CARMIL1: variants seen among roughly 807,000 people sequenced by gnomAD.
The protein encoded by CARMIL1 is capping protein regulator and myosin 1 linker 1.
In CARMIL1, 90 loss-of-function variants were observed where a neutral mutation model predicts 177.1. The observed-to-expected ratio is 0.51, with a 90% CI of 0.43 to 0.61. The LOEUF (loss-of-function observed/expected upper bound fraction) is 0.61, where lower values mean the gene tolerates loss of function less well. CARMIL1 is among the 20% of genes least tolerant of loss of function. CARMIL1 has a pLI of 0.00. For missense variants in CARMIL1, 1,380 were observed against 1,667.0 expected (o/e 0.83, Z 3.00); for synonymous variants, 577 against 606.2 (o/e 0.95, Z 0.71).
At chr6:25,525,873 C>T (rs1450639823) in intron 23 of CARMIL1, among the ~76,000 whole-genome samples, 1 of 151,856 alleles carries the variant, frequency 6.6e-6, no homozygotes, top group African/African-American at 2.4e-5. Context: ...TTAATTAAAA[C>T]CAGAGACAGT....
chr6:25,561,266 A>G (rs1811086575), intron 29 of CARMIL1, among the ~76,000 whole-genome samples: 1 of 152,210 alleles, frequency 6.6e-6, no homozygotes, highest in Admixed American at 6.5e-5. Flanking sequence ...GTCACCATAT[A>G]TAGTATACCA....
Position 25,404,215 on chromosome 6 carries a change from G to A in CARMIL1, c.139-15899G>A, listed in dbSNP as rs1207501639. 2.0e-5 allele frequency among the ~76,000 whole-genome samples: 3 copies of A among 152,328 alleles called. No individual in the cohort carries two copies. In the East Asian group the frequency reaches 5.8e-4, roughly 29 times the overall value. On this transcript the variant is annotated intron_variant, in intron 2 of 36. Coordinates refer to ENST00000329474, the MANE Select transcript of CARMIL1 (RefSeq NM_017640.6). The stretch of plus-strand genomic sequence containing the variant: ...GCCACATAGAAGGGAGTTTGAACCA[G>A]GGCTTCAGGGAGTTGTCTGTGGACA...
intron 8 of CARMIL1, among the ~76,000 whole-genome samples, chr6:25,455,968 C>T (rs1799486361): frequency 6.6e-6 from 1 of 152,174 alleles, no homozygotes; most frequent in Non-Finnish European, 1.5e-5. Flanking sequence ...AGGGCAGTGC[C>T]TTGGTCATTG....
chr6:25,489,000 A>G (rs1302502080), intron 13 of CARMIL1, among the ~76,000 whole-genome samples: 1 of 152,120 alleles, frequency 6.6e-6, no homozygotes, highest in Non-Finnish European at 1.5e-5. Flanking sequence ...CCCCATCTCT[A>G]CTAAAAATAC....
chr6:25,414,942 T>C (rs1795236706), intron 2 of CARMIL1, among the ~76,000 whole-genome samples: 1 of 152,188 alleles, frequency 6.6e-6, no homozygotes, highest in Non-Finnish European at 1.5e-5. Flanking sequence ...TGTATCCAAC[T>C]TCTGAAGGAC....
At chr6:25,512,710 A>T (rs1404619675) in intron 20 of CARMIL1, among the ~76,000 whole-genome samples, 1 of 152,204 alleles carries the variant, frequency 6.6e-6, no homozygotes, top group African/African-American at 2.4e-5. Flanking sequence ...AAAAACCTAC[A>T]TGCTGGTGGG....
chr6:25,447,997 T>C (rs899145181), intron 5 of CARMIL1, among the ~76,000 whole-genome samples: 3 of 152,138 alleles, frequency 2.0e-5, no homozygotes. Flanking sequence ...CCTCTCCATA[T>C]ACATTTTGGC....
intron 3 of CARMIL1, among the ~76,000 whole-genome samples, chr6:25,421,120 T>G (rs900683609): frequency 4.7e-4 from 71 of 152,274 alleles, no homozygotes; most frequent in African/African-American, 1.6e-3. Context: ...GCTTCTGTTA[T>G]TGCTAGAATC....
At chr6:25,464,147 C>G (rs983822869) in intron 8 of CARMIL1, among the ~76,000 whole-genome samples, 5 of 152,116 alleles carry the variant, frequency 3.3e-5, no homozygotes, top group African/African-American at 7.2e-5. Context: ...TAATCTAAAA[C>G]TTAAAAAAAA....
chr6:25,439,276 C>T (rs182179147), intron 5 of CARMIL1, among the ~76,000 whole-genome samples: 1 of 152,280 alleles, frequency 6.6e-6, no homozygotes, highest in South Asian at 2.1e-4. Flanking sequence ...GACCTCTCCT[C>T]CAAGCTCCAC....
chr6:25,586,247 C>G (rs1217659820), intron 31 of CARMIL1, among the ~76,000 whole-genome samples: 1 of 146,246 alleles, frequency 6.8e-6, no homozygotes, highest in Non-Finnish European at 1.5e-5. Context: ...ACGGGGTGGC[C>G]GGGCAGAGAC....
rs910268060 is a variant in CARMIL1, at chr6:25,607,564, C to T, written c.3847+1291C>T. On this transcript the variant is annotated intron_variant, in intron 35 of 36. Coordinates refer to ENST00000329474, the MANE Select transcript of CARMIL1 (RefSeq NM_017640.6). ...CAGATGTTCTGACTCCACCAACTGT[C>T]GTGGTAACTGTTTCTATTGACCTCT... Among the ~76,000 whole-genome samples, 2 of 152,208 alleles carry T rather than the reference C, an allele frequency of 1.3e-5. 1 individual carries two copies. The highest frequency in any genetic ancestry group is 4.1e-4 in the South Asian group (2 of 4,822).
At chr6:25,582,365 A>G (rs1254987058) in intron 31 of CARMIL1, among the ~76,000 whole-genome samples, 1 of 152,030 alleles carries the variant, frequency 6.6e-6, no homozygotes, top group East Asian at 1.9e-4. Context: ...TGCCAGACCC[A>G]TTTAAGTTTT....
chr6:25,441,295 A>G (rs569954332), intron 5 of CARMIL1, among the ~76,000 whole-genome samples: 1 of 149,566 alleles, frequency 6.7e-6, no homozygotes, highest in South Asian at 2.1e-4. Flanking sequence ...GTAAGACCAC[A>G]TCTCAAAACA....
chr6:25,594,415 G>A lies in CARMIL1; in HGVS notation c.3007G>A (p.Val1003Ile), dbSNP rs768367397. The change falls in exon 32 of 37, where the codon GTC becomes ATC. Residue 1003 changes from valine to isoleucine, a missense_variant and splice_region_variant. By Grantham distance (29) the Val-to-Ile change is conservative (BLOSUM62 3). Transcript: ENST00000329474. ...AACATTACATCTGTTTGTTTTGCAG[G>A]TCTGTGCTGCCAACATAGTCTCACA... ...NKKQQPTQAA[V>I]CAANIVSQDG... 2.5e-6 allele frequency: 4 copies of A among 1,597,132 alleles called. No homozygotes were observed. In the Admixed American group the frequency reaches 6.8e-5, roughly 27 times the overall value.
At chr6:25,432,187 A>G (rs1796850663) in intron 4 of CARMIL1, among the ~76,000 whole-genome samples, 2 of 152,194 alleles carry the variant, frequency 1.3e-5, no homozygotes, top group African/African-American at 2.4e-5. Flanking sequence ...GTTAAGAACC[A>G]GTGAGCTGTG....
At chr6:25,506,971 T>C (rs2151037320) in intron 17 of CARMIL1, among the ~76,000 whole-genome samples, 1 of 152,298 alleles carries the variant, frequency 6.6e-6, no homozygotes, top group South Asian at 2.1e-4. Context: ...TCAGAAACGT[T>C]CCACCTTCCT....
At chr6:25,524,212 A>G (rs774489154) in intron 23 of CARMIL1, among the ~76,000 whole-genome samples, 4 of 152,174 alleles carry the variant, frequency 2.6e-5, no homozygotes, top group Non-Finnish European at 5.9e-5. Flanking sequence ...AGGATAAGAA[A>G]TATTTCCAAA....
At chr6:25,465,335 C>T (rs1421923844) in intron 8 of CARMIL1, among the ~76,000 whole-genome samples, 1 of 152,030 alleles carries the variant, frequency 6.6e-6, no homozygotes, top group African/African-American at 2.4e-5. Context: ...TTGAGACTAG[C>T]CTGGGGAACA....
Sources: gnomAD v4.1 joint callset for allele counts (sites outside exome capture counted in the v4.1 genomes callset) on GRCh38, gnomAD v4.1.1 for gene constraint, MANE v1.5 for transcripts, NCBI Gene and HGNC (gene_info 2026-07-23, HGNC 2026-07-21) for gene names.